The following TMEM273 variants were observed in gnomAD, a reference collection of about 807,000 sequenced individuals.
The protein encoded by TMEM273 is transmembrane protein 273.
Under a neutral mutation model 17.9 loss-of-function variants are expected in TMEM273, and 19 were observed. The observed-to-expected ratio is 1.06, with a 90% CI of 0.74 to 1.55. The LOEUF (loss-of-function observed/expected upper bound fraction) is 1.55, where lower values mean the gene tolerates loss of function less well. Among genes scored for constraint, TMEM273 ranks in the 40% most tolerant of loss-of-function variants. TMEM273 has a pLI of 0.00. For missense variants in TMEM273, 194 were observed against 155.6 expected, an observed-to-expected ratio of 1.25 and a Z score of -1.31; for synonymous variants, 66 against 62.0, an observed-to-expected ratio of 1.07 and a Z score of -0.31.
chr10:49,185,620 A>G (rs1248377417), intron 1 of TMEM273, among the ~76,000 whole-genome samples: 1 of 152,224 alleles, frequency 6.6e-6, no homozygotes, highest in Non-Finnish European at 1.5e-5. Context: ...TTAACAACAT[A>G]TACAATCATT....
intron 1 of TMEM273, chr10:49,178,059 C>T (rs549622770): frequency 1.3e-5 from 5 of 393,644 alleles, no homozygotes; most frequent in Non-Finnish European, 5.2e-6. Flanking sequence ...GTAAGTCTCC[C>T]TGCCTCCAAC....
chr10:49,180,451 T>C (rs2377952), intron 1 of TMEM273, among the ~76,000 whole-genome samples: 140,829 of 152,244 alleles, frequency 0.93, 65,387 homozygotes, highest in East Asian at 1. Context: ...GTGTCAGTGG[T>C]GGCCAGAGAG....
rs771804607 is a variant in TMEM273, at chr10:49,161,611, T to C, written c.360A>G (p.Gln120=). 4 of 1,614,192 alleles carry C rather than the reference T, an allele frequency of 2.5e-6. No homozygotes were observed. The highest frequency in any genetic ancestry group is 1.7e-6 in the Non-Finnish European group (2 of 1,180,016). ...TCTTACAACTCACCTTTTGGAGAAA[T>C]TGTGGTTTCGCCTGCAAAACAAGAT... The part of the protein sequence containing the change: ...IMEGLFKAKP[Q]FLQKRCTGD The change falls in exon 6 of 7, where the codon CAA becomes CAG. Residue 120 remains glutamine, a synonymous_variant. Coordinates refer to ENST00000374153, the MANE Select transcript of TMEM273 (RefSeq NM_001288740.3).
intron 1 of TMEM273, among the ~76,000 whole-genome samples, chr10:49,179,039 G>T (rs1048940862): frequency 6.6e-6 from 1 of 152,224 alleles, no homozygotes; most frequent in African/African-American, 2.4e-5. Flanking sequence ...TGCAGCTGGG[G>T]TCCAGGCAGG....
chr10:49,188,358 CCTGGCTCCTGGCTG>C lies in TMEM273; in HGVS notation c.-36_-23del. On this transcript the variant is annotated 5_prime_UTR_variant, in exon 1 of 7. Coordinates refer to ENST00000374153, the MANE Select transcript of TMEM273 (RefSeq NM_001288740.3). ...TCATGCTGGCGCTCTGCTCTTGGCT[CCTGGCTCCTGGCTG>C]CTGGCAGCGCAGGCACAATGAGCCA... 4 of 1,614,066 alleles carry C rather than the reference CCTGGCTCCTGGCTG, an allele frequency of 2.5e-6. No individual in the cohort carries two copies. The highest frequency in any genetic ancestry group is 3.4e-6 in the Non-Finnish European group (4 of 1,179,940).
chr10:49,165,824 AG>A (rs760553067), intron 3 of TMEM273, 28 bp from the exon 4 acceptor site: 1 of 1,613,934 alleles, frequency 6.2e-7, no homozygotes, highest in Non-Finnish European at 8.5e-7. Context: ...GGCATTAGGA[AG>A]GGGGTCGTGT....
chr10:49,166,762 T>C, intron 3 of TMEM273, 107 bp downstream of exon 3: 1 of 1,523,270 alleles, frequency 6.6e-7, no homozygotes, highest in Non-Finnish European at 9.0e-7. Context: ...TACAGCCTGT[T>C]GGGCTCTGCG....
At chr10:49,181,800 G>A (rs1439279229) in intron 1 of TMEM273, among the ~76,000 whole-genome samples, 1 of 151,300 alleles carries the variant, frequency 6.6e-6, no homozygotes, top group Admixed American at 6.6e-5. Flanking sequence ...TCTGAGACAT[G>A]CTATCAAAAG....
intron 1 of TMEM273, among the ~76,000 whole-genome samples, chr10:49,176,324 A>T (rs888296743): frequency 1.3e-5 from 2 of 152,230 alleles, no homozygotes; most frequent in Non-Finnish European, 2.9e-5. Flanking sequence ...GCTCCCCAGC[A>T]AGGGCACAAG....
rs1847855555 is a variant in TMEM273 at position 49,188,363 on chromosome 10, C to CT, written c.-28dup. 1 of 1,614,080 alleles carries CT rather than the reference C, an allele frequency of 6.2e-7. No homozygotes were observed. Among genetic ancestry groups the CT allele is most frequent in the East Asian group, 2.2e-5 (1 of 44,856 alleles). On this transcript the variant is annotated 5_prime_UTR_variant, in exon 1 of 7. Coordinates refer to ENST00000374153, the MANE Select transcript of TMEM273 (RefSeq NM_001288740.3). ...CTGGCGCTCTGCTCTTGGCTCCTGG[C>CT]TCCTGGCTGCTGGCAGCGCAGGCAC...
At chr10:49,161,911 C>T (rs1845869328) in intron 5 of TMEM273, among the ~76,000 whole-genome samples, 1 of 152,146 alleles carries the variant, frequency 6.6e-6, no homozygotes, top group South Asian at 2.1e-4. Context: ...TATAAACTCC[C>T]ATCCAGCCAT....
At chr10:49,186,934 C>T (rs776600034) in intron 1 of TMEM273, among the ~76,000 whole-genome samples, 33 of 152,222 alleles carry the variant, frequency 2.2e-4, no homozygotes, top group Non-Finnish European at 2.9e-4. Context: ...CTAAAAAATG[C>T]GAGGAGGTGT....
intron 1 of TMEM273, among the ~76,000 whole-genome samples, chr10:49,173,876 G>A (rs10857437): frequency 0.11 from 17,337 of 152,170 alleles, 1,090 homozygotes; most frequent in South Asian, 0.2. Flanking sequence ...GGGCGATAGC[G>A]TTTCCCCTGT....
intron 6 of TMEM273, chr10:49,161,100 C>T (rs919132774): frequency 6.3e-6 from 1 of 158,342 alleles, no homozygotes; most frequent in African/African-American, 2.4e-5. Flanking sequence ...TCCATAGGCT[C>T]ATTCAATCAG....
rs1000274456 is a variant in TMEM273 at position 49,188,354 on chromosome 10, G to A, written c.-18C>T. The A allele has an allele frequency of 3.7e-6, 6 of 1,613,998 alleles. No homozygotes were observed. Among genetic ancestry groups the A allele is most frequent in the Non-Finnish European group, 5.1e-6 (6 of 1,179,932 alleles). On this transcript the variant is annotated 5_prime_UTR_variant, in exon 1 of 7. Transcript: ENST00000374153. ...AAGTTCATGCTGGCGCTCTGCTCTT[G>A]GCTCCTGGCTCCTGGCTGCTGGCAG...
In TMEM273 at chr10:49,182,670, A is replaced by C. The variant is rs145954474; in HGVS notation, c.43+5624T>G. ...TGCAGACCTCTAATAAAATGCCTAG[A>C]AATTTCACCAGATATTTTCAATAGC... On this transcript the variant is annotated intron_variant, in intron 1 of 6. Coordinates refer to ENST00000374153, the MANE Select transcript of TMEM273 (RefSeq NM_001288740.3). 4.3e-3 allele frequency among the ~76,000 whole-genome samples: 657 copies of C among 152,338 alleles called. 4 individuals carry two copies. The highest frequency in any genetic ancestry group is 0.014 in the African/African-American group (592 of 41,564).
chr10:49,160,668 A>G (rs1845786663), intron 6 of TMEM273: 1 of 152,190 alleles, frequency 6.6e-6, no homozygotes. Flanking sequence ...AGGAGTGGTC[A>G]CTGTATTGTG....
intron 1 of TMEM273, among the ~76,000 whole-genome samples, chr10:49,173,627 C>G (rs1294174767): frequency 6.6e-6 from 1 of 152,198 alleles, no homozygotes; most frequent in East Asian, 1.9e-4. Flanking sequence ...CTGCAGCTTG[C>G]TCTATGGCAT....
intron 5 of TMEM273, 58 bp from the exon 6 acceptor site, chr10:49,161,680 T>G: frequency 1.2e-6 from 2 of 1,608,040 alleles, no homozygotes; most frequent in Non-Finnish European, 1.7e-6. Context: ...AGAAAGACAA[T>G]GCAAAACTTG....
Sources: allele counts gnomAD v4.1 joint callset (sites outside exome capture counted in the v4.1 genomes callset), GRCh38; gene constraint gnomAD v4.1.1; transcripts MANE v1.5; gene names NCBI Gene and HGNC (gene_info 2026-07-23, HGNC 2026-07-21).